KIF3B: variants seen among roughly 807,000 people sequenced by gnomAD.
KIF3B encodes kinesin family member 3B, also known as kinesin-like protein KIF3B.
In KIF3B, 38 loss-of-function variants were observed where a neutral mutation model predicts 74.3. The ratio of observed to expected loss-of-function variants is 0.51; its 90% CI spans 0.39 to 0.67. KIF3B has a LOEUF of 0.67. Among genes scored for constraint, KIF3B ranks in the 30% least tolerant of loss-of-function variants. The pLI is 0.00. For missense variants in KIF3B, 649 were observed against 932.0 expected, an observed-to-expected ratio of 0.70 and a Z score of 3.95; for synonymous variants, 326 against 342.5, an observed-to-expected ratio of 0.95 and a Z score of 0.53.
intron 1 of KIF3B, among the ~76,000 whole-genome samples, chr20:32,281,172 T>A (rs866135551): frequency 1.3e-5 from 2 of 152,192 alleles, no homozygotes; most frequent in African/African-American, 4.8e-5. Context: ...TACACATGCT[T>A]TTACTCATTT....
In KIF3B at chr20:32,309,195, AT is replaced by A. The variant is rs779522474; in HGVS notation, c.-65-500del. Among the ~76,000 whole-genome samples, 889 of 126,524 alleles carry A rather than the reference AT, an allele frequency of 7.0e-3. 5 individuals are homozygous for A. The highest frequency in any genetic ancestry group is 0.01 in the African/African-American group (353 of 34,352). 83.0% of individuals were successfully genotyped at this position (126,524 alleles called of 152,430 possible). On this transcript the variant is annotated intron_variant, in intron 1 of 8. Coordinates refer to ENST00000375712, the MANE Select transcript of KIF3B (RefSeq NM_004798.4). The stretch of plus-strand genomic sequence containing the variant: ...CCGTGTGCAGCTAATTGTTGTTGGT[AT>A]TTTTTTTTTTTTTTTTTGGAGAGAT...
chr20:32,318,296 T>G (rs1184891446), intron 5 of KIF3B, among the ~76,000 whole-genome samples: 3 of 113,256 alleles, frequency 2.6e-5, no homozygotes, highest in Non-Finnish European at 5.2e-5. Flanking sequence ...AGCGAGATTC[T>G]TGTCTCAAAA....
intron 1 of KIF3B, among the ~76,000 whole-genome samples, chr20:32,290,445 CTT>C (rs927904108): frequency 5.3e-5 from 8 of 152,170 alleles, no homozygotes; most frequent in African/African-American, 1.7e-4. Context: ...GTCTGAATCT[CTT>C]TTTGGCTATT....
intron 1 of KIF3B, among the ~76,000 whole-genome samples, chr20:32,282,885 A>G (rs1048379068): frequency 6.6e-6 from 1 of 152,170 alleles, no homozygotes; most frequent in Non-Finnish European, 1.5e-5. Flanking sequence ...GGATTCTTGA[A>G]TCTCTTCTGA....
chr20:32,310,017 T>C lies in KIF3B; in HGVS notation c.240T>C (p.Leu80=), dbSNP rs764402904. 3.1e-6 allele frequency: 5 copies of C among 1,614,162 alleles called. No homozygotes were observed. The highest frequency in any genetic ancestry group is 3.4e-6 in the Non-Finnish European group (4 of 1,180,024). ...FELYDETFRP[L]VDSVLQGFNG... The stretch of plus-strand genomic sequence containing the variant: ...TGTACGATGAGACGTTCCGACCACT[T>C]GTTGACTCTGTCCTGCAAGGTTTCA... The change falls in exon 2 of 9, where the codon CTT becomes CTC. Residue 80 remains leucine, a synonymous_variant. Coordinates refer to ENST00000375712, the MANE Select transcript of KIF3B (RefSeq NM_004798.4). This position sits in a 1 kb window ranked among gnomAD's most constrained non-coding sequence, Gnocchi z 6.5.
intron 1 of KIF3B, among the ~76,000 whole-genome samples, chr20:32,281,249 A>G (rs1448344766): frequency 6.6e-6 from 1 of 152,222 alleles, no homozygotes; most frequent in Non-Finnish European, 1.5e-5. Flanking sequence ...TAGTCGAGGA[A>G]TCTGAATGGA....
At position 32,331,567 on chromosome 20, in the gene KIF3B, T is replaced by C. The variant is rs949186349; in HGVS notation, c.*248T>C. ...CATGGGTAAGGTAAAGTGCGATAGT[T>C]CAAGTGGAAAGCAAGAGAATGACCA... On this transcript the variant is annotated 3_prime_UTR_variant, in exon 9 of 9. Coordinates refer to ENST00000375712, the MANE Select transcript of KIF3B (RefSeq NM_004798.4). 16 of 495,180 alleles carry C rather than the reference T, an allele frequency of 3.2e-5. No homozygotes were observed. The highest frequency in any genetic ancestry group is 3.2e-4 in the African/African-American group (16 of 49,522). The allele number at this position is 495,180 out of a possible 1,614,324, so 30.7% of individuals were successfully genotyped here.
intron 1 of KIF3B, among the ~76,000 whole-genome samples, chr20:32,304,913 G>T (rs2047762163): frequency 6.6e-6 from 1 of 151,346 alleles, no homozygotes; most frequent in Admixed American, 6.6e-5. Flanking sequence ...GGCTGAGGTG[G>T]GTGGATCACC....
rs1569211058 is a variant in KIF3B at position 32,327,575 on chromosome 20, C to A, written c.1882C>A (p.Arg628=). Residue 628 remains arginine, a synonymous_variant, in exon 7 of 9, where the codon CGG becomes AGG. Coordinates refer to ENST00000375712, the MANE Select transcript of KIF3B (RefSeq NM_004798.4). ...TRLENQQMMK[R]PVSAVGYKRP... is the part of the protein sequence containing the mutation. ...TTCCAGGAACCAGCAGATGATGAAG[C>A]GGCCAGTCTCAGCCGTGGGATATAA... 1 of 1,613,190 alleles carries A rather than the reference C, an allele frequency of 6.2e-7. No homozygotes were observed. The highest frequency in any genetic ancestry group is 8.5e-7 in the Non-Finnish European group (1 of 1,179,490).
intron 1 of KIF3B, among the ~76,000 whole-genome samples, chr20:32,300,370 C>T (rs2047737649): frequency 6.6e-6 from 1 of 151,724 alleles, no homozygotes; most frequent in African/African-American, 2.4e-5. Flanking sequence ...CTCCGCCTCC[C>T]AGGTTCACAC....
At position 32,326,807 on chromosome 20, in the gene KIF3B, A is replaced by G. The variant is rs1479230907; in HGVS notation, c.1785A>G (p.Glu595=). 5 of 1,580,596 alleles carry G rather than the reference A, an allele frequency of 3.2e-6. No individual in the cohort carries two copies. In the South Asian group the frequency reaches 5.6e-5, roughly 18 times the overall value. ...TAGAAAACTTTATCCCTCTGGAAGA[A>G]AAAAGTAAAATTATGAATAGAGCCT... ...LIIENFIPLE[E]KSKIMNRAFF... The change falls in exon 6 of 9, where the codon GAA becomes GAG. Residue 595 remains glutamate (E), a synonymous_variant. Coordinates refer to ENST00000375712, the MANE Select transcript of KIF3B (RefSeq NM_004798.4).
At position 32,332,873 on chromosome 20, in the gene KIF3B, A is replaced by AG. The variant is rs2047936761; in HGVS notation, c.*1558dup. The AG allele has an allele frequency of 6.5e-6, 1 of 152,766 alleles. No individual in the cohort carries two copies. Among genetic ancestry groups the AG allele is most frequent in the East Asian group, 1.9e-4 (1 of 5,180 alleles). The allele number at this position is 152,766 out of a possible 1,614,324, so 9.5% of individuals were successfully genotyped here. A position where few individuals can be genotyped will look rare whatever the true frequency, so the allele number is the denominator to read the frequency against. ...TGTCTGAGTCCATGAGCCAAGCCTG[A>AG]GGGGACAGTGAGTCTCCAGGTCTGC... On this transcript the variant is annotated 3_prime_UTR_variant, in exon 9 of 9. Transcript: ENST00000375712.
At chr20:32,322,630 A>ATATATATTTATATATATATTTT (rs1569207341) in intron 5 of KIF3B, among the ~76,000 whole-genome samples, 4 of 105,818 alleles carry the variant, frequency 3.8e-5, no homozygotes, top group Non-Finnish European at 6.8e-5. Flanking sequence ...TTATATATTT[A>ATATATATTTATATATATATTTT]TATATATTTA....
At chr20:32,278,791 A>G (rs1156435612) in intron 1 of KIF3B, among the ~76,000 whole-genome samples, 1 of 152,144 alleles carries the variant, frequency 6.6e-6, no homozygotes, top group African/African-American at 2.4e-5. Flanking sequence ...ATTAAGAAGC[A>G]CTTTACCAGG....
Position 32,322,943 on chromosome 20 carries a change from T to C in KIF3B, c.1749-3828T>C, listed in dbSNP as rs1408832612. On this transcript the variant is annotated intron_variant, in intron 5 of 8. Coordinates refer to ENST00000375712, the MANE Select transcript of KIF3B (RefSeq NM_004798.4). ...ATTTATATATACATATTTATATATA[T>C]ACATATTTATATATATACATATTTA... is the stretch of plus-strand genomic sequence containing the variant. Among the ~76,000 whole-genome samples, 5 of 62,850 alleles carry C rather than the reference T, an allele frequency of 8.0e-5. No homozygotes were observed. The Admixed American group carries it at 9.4e-4, about 12-fold the overall frequency. 41.2% of individuals were successfully genotyped at this position (62,850 alleles called of 152,430 possible).
intron 1 of KIF3B, 123 bp from the exon 2 acceptor site, chr20:32,309,590 A>G (rs1228840975): frequency 1.6e-6 from 1 of 625,618 alleles, no homozygotes; most frequent in African/African-American, 1.8e-5. Context: ...TATACAGTGT[A>G]GTAAAGTTAT....
chr20:32,307,398 C>T (rs542481023), intron 1 of KIF3B, among the ~76,000 whole-genome samples: 9 of 152,260 alleles, frequency 5.9e-5, no homozygotes, highest in African/African-American at 2.2e-4. Context: ...GCATAGGATT[C>T]CACATATATG....
At chr20:32,328,612 C>CAAA (rs142664447) in intron 7 of KIF3B, among the ~76,000 whole-genome samples, 8 of 131,130 alleles carry the variant, frequency 6.1e-5, no homozygotes, top group African/African-American at 1.6e-4. Context: ...CACTCTGTCT[C>CAAA]AAAAAAAAAA....
intron 1 of KIF3B, among the ~76,000 whole-genome samples, chr20:32,285,471 C>G (rs2047663417): frequency 6.6e-6 from 1 of 152,104 alleles, no homozygotes; most frequent in Non-Finnish European, 1.5e-5. Context: ...TCATTATTTT[C>G]CTTTCAACAC....
Sources: gnomAD v4.1 joint callset for allele counts (sites outside exome capture counted in the v4.1 genomes callset) on GRCh38, gnomAD v4.1.1 for gene constraint, Gnocchi (gnomAD v3.1) non-coding constraint, MANE v1.5 for transcripts, NCBI Gene and HGNC (gene_info 2026-07-23, HGNC 2026-07-21) for gene names.